The following KMT2C variants were observed in gnomAD, a reference collection of about 807,000 sequenced individuals.
KMT2C encodes the protein lysine methyltransferase 2C.
KMT2C carries 88 observed loss-of-function variants against 507.9 expected under a neutral mutation model. The observed-to-expected ratio is 0.17, with a 90% confidence interval of 0.15 to 0.21. KMT2C has a LOEUF of 0.21. KMT2C is among the 10% of genes least tolerant of loss of function. KMT2C has a pLI of 1.00. For synonymous variants in KMT2C, 2,049 were observed against 2,080.8 expected (o/e 0.98, Z 0.42); for missense variants, 4,954 against 5,957.8 (o/e 0.83, Z 5.55).
intron 6 of KMT2C, among the ~76,000 whole-genome samples, chr7:152,289,415 C>CA (rs2096366586): frequency 6.6e-6 from 1 of 152,022 alleles, no homozygotes; most frequent in East Asian, 1.9e-4. Flanking sequence ...ATCTATGTGA[C>CA]AAAACGAGAA....
chr7:152,232,932 T>C (rs2095165946), intron 16 of KMT2C, among the ~76,000 whole-genome samples: 1 of 152,104 alleles, frequency 6.6e-6, no homozygotes, highest in Admixed American at 6.5e-5. Flanking sequence ...ATTCAACACA[T>C]TATACCCACT....
In KMT2C at chr7:152,357,341, G is replaced by A. The variant is rs112945889; in HGVS notation, c.250+1246C>T. On this transcript the variant is annotated intron_variant, in intron 2 of 58. Coordinates refer to ENST00000262189, the MANE Select transcript of KMT2C (RefSeq NM_170606.3). Reference sequence around the variant, plus strand: ...AGATTGAGACCATCCTGGCTAACACGGTGAAACCCCGTCTCTACTAAAGAT... The same window carrying A: ...AGATTGAGACCATCCTGGCTAACACAGTGAAACCCCGTCTCTACTAAAGAT... Among the ~76,000 whole-genome samples, 289 of 152,182 alleles carry A rather than the reference G, an allele frequency of 1.9e-3. 2 individuals are homozygous for A. Among genetic ancestry groups the A allele is most frequent in the African/African-American group, 6.6e-3 (272 of 41,506 alleles).
chr7:152,175,151 T>TTG (rs1425037234), intron 38 of KMT2C, among the ~76,000 whole-genome samples: 2 of 342 alleles, frequency 5.8e-3, no homozygotes, highest in African/African-American at 0.021. Context: ...GTTGTTTTCA[T>TTG]TTTTTTTTTT....
At chr7:152,308,491 C>T (rs1350759254) in intron 6 of KMT2C, among the ~76,000 whole-genome samples, 3 of 151,312 alleles carry the variant, frequency 2.0e-5, no homozygotes, top group East Asian at 1.9e-4. Context: ...GGCTGGCCAA[C>T]GTAGTGAAAC....
At chr7:152,275,800 TAAC>T (rs1442818692) in intron 6 of KMT2C, among the ~76,000 whole-genome samples, 18 of 152,210 alleles carry the variant, frequency 1.2e-4, no homozygotes, top group African/African-American at 4.3e-4. Context: ...AAAATGTTTA[TAAC>T]AACTCATTAA....
At position 152,189,476 on chromosome 7, in the gene KMT2C, A is replaced by C. The variant is rs185114116; in HGVS notation, c.4661-1629T>G. On this transcript the variant is annotated intron_variant, in intron 31 of 58. Coordinates refer to ENST00000262189, the MANE Select transcript of KMT2C (RefSeq NM_170606.3). ...TAACTAGAGAATTCCTAACCTGATCACTTGATTTTTTTTTATCTAATGTCA... is the reference window on the plus strand; with the variant it reads ...TAACTAGAGAATTCCTAACCTGATCCCTTGATTTTTTTTTATCTAATGTCA... 1.7e-3 allele frequency among the ~76,000 whole-genome samples: 253 copies of C among 152,192 alleles called. 2 individuals are homozygous for C. Among genetic ancestry groups the C allele is most frequent in the South Asian group, 8.3e-3 (40 of 4,816 alleles).
At chr7:152,373,970 G>C (rs1589546005) in intron 1 of KMT2C, among the ~76,000 whole-genome samples, 1 of 152,180 alleles carries the variant, frequency 6.6e-6, no homozygotes, top group African/African-American at 2.4e-5. Context: ...ATATGATAAA[G>C]TGCTCAACTT....
chr7:152,195,264 A>T (rs1371185643), intron 28 of KMT2C, among the ~76,000 whole-genome samples: 21 of 152,180 alleles, frequency 1.4e-4, no homozygotes. Context: ...GCTCTACGAC[A>T]TTTAGGTAAT....
At chr7:152,145,068 G>A (rs2129093120) in intron 54 of KMT2C, 85 bp downstream of exon 54, 1 of 1,516,694 alleles carries the variant, frequency 6.6e-7, no homozygotes, top group Non-Finnish European at 9.0e-7. Context: ...AGCAGGGTTT[G>A]TAAGCAGCAG....
At chr7:152,312,586 A>T (rs1171750004) in intron 4 of KMT2C, among the ~76,000 whole-genome samples, 1 of 152,242 alleles carries the variant, frequency 6.6e-6, no homozygotes, top group East Asian at 1.9e-4. Context: ...AGTAAAAAGC[A>T]AAAGCAAAAT....
chr7:152,405,261 C>CTTTTTTTTTTTTTTTTTTTTT (rs5888467), intron 1 of KMT2C, among the ~76,000 whole-genome samples: 2 of 151,976 alleles, frequency 1.3e-5, no homozygotes, highest in Non-Finnish European at 2.9e-5. Flanking sequence ...TTTAACTTCA[C>CTTTTTTTTTTTTTTTTTTTTT]TTTTTTTTTT....
chr7:152,176,397 T>A lies in KMT2C; in HGVS notation c.9056A>T (p.Gln3019Leu). 2 of 1,614,178 alleles carry A rather than the reference T, an allele frequency of 1.2e-6. No homozygotes were observed. Among genetic ancestry groups the A allele is most frequent in the Non-Finnish European group, 1.7e-6 (2 of 1,180,014 alleles). Residue 3019 changes from glutamine (Q) to leucine (L), a missense_variant, in exon 38 of 59, where the codon CAG (glutamine) becomes CTG (leucine). Transcript: ENST00000262189. ...TCCAGACATGCTACTGGTACCAGAC[T>A]GACTTGTTTGAGGCCCAGTTTGAGT... ...PATQTGPQTS[Q>L]SGTSSMSGPQ...
chr7:152,349,984 G>A (rs948809373), intron 2 of KMT2C, among the ~76,000 whole-genome samples: 2 of 152,120 alleles, frequency 1.3e-5, no homozygotes, highest in Admixed American at 6.6e-5. Context: ...AGGTGCAGTG[G>A]TTCATGCCTA....
intron 2 of KMT2C, among the ~76,000 whole-genome samples, chr7:152,346,036 G>A (rs2097055049): frequency 6.6e-6 from 1 of 152,146 alleles, no homozygotes; most frequent in African/African-American, 2.4e-5. Context: ...ATTTTATAAT[G>A]ATAAAGGGGT....
chr7:152,187,688 A>C, intron 32 of KMT2C, 27 bp downstream of exon 32: 2 of 1,599,278 alleles, frequency 1.3e-6, no homozygotes, highest in Non-Finnish European at 1.7e-6. Context: ...GTGCAATTTA[A>C]GTTTCCATAG....
Position 152,354,914 on chromosome 7 carries a change from C to T in KMT2C, c.250+3673G>A, listed in dbSNP as rs149904086. On this transcript the variant is annotated intron_variant, in intron 2 of 58. Coordinates refer to ENST00000262189, the MANE Select transcript of KMT2C (RefSeq NM_170606.3). ...ATGGTTGACAGAGGGAAGTAAAAGGCTCTCACTTTGAATTTGGAAGGATCA... is the reference window on the plus strand; with the variant it reads ...ATGGTTGACAGAGGGAAGTAAAAGGTTCTCACTTTGAATTTGGAAGGATCA... 2.4e-3 allele frequency among the ~76,000 whole-genome samples: 364 copies of T among 152,270 alleles called. 1 individual carries two copies. Among genetic ancestry groups the T allele is most frequent in the African/African-American group, 8.2e-3 (342 of 41,530 alleles).
At chr7:152,348,619 A>G (rs1168496404) in intron 2 of KMT2C, among the ~76,000 whole-genome samples, 5 of 150,012 alleles carry the variant, frequency 3.3e-5, no homozygotes, top group Admixed American at 2.0e-4. Context: ...AAAAAAAAAA[A>G]AAAAAGAAAG....
At chr7:152,207,658 A>T (rs193106292) in intron 23 of KMT2C, among the ~76,000 whole-genome samples, 6 of 152,246 alleles carry the variant, frequency 3.9e-5, no homozygotes, top group Admixed American at 3.3e-4. Context: ...GGGAACACAG[A>T]ACTCAGAGTT....
chr7:152,401,339 C>A (rs1051056321), intron 1 of KMT2C, among the ~76,000 whole-genome samples: 15 of 152,004 alleles, frequency 9.9e-5, no homozygotes, highest in Non-Finnish European at 1.9e-4. Context: ...CTCAGCCTCC[C>A]GAAGTGCTGG....
Sources: allele counts gnomAD v4.1 joint callset (sites outside exome capture counted in the v4.1 genomes callset), GRCh38; gene constraint gnomAD v4.1.1; transcripts MANE v1.5; gene names NCBI Gene and HGNC (gene_info 2026-07-23, HGNC 2026-07-21).